The following STK3 variants were observed in gnomAD, a reference collection of about 807,000 sequenced individuals.
STK3 encodes serine/threonine-protein kinase 3.
A neutral mutation model predicts 58.0 loss-of-function variants in STK3; 41 were observed. The ratio of observed to expected loss-of-function variants is 0.71; its 90% CI spans 0.55 to 0.92. The LOEUF is 0.92. STK3 is among the 40% of genes least tolerant of loss of function. STK3 has a pLI of 0.00. For missense variants in STK3, 479 were observed against 602.7 expected (o/e 0.79, Z 2.15); for synonymous variants, 170 against 191.0 (o/e 0.89, Z 0.91).
At chr8:98,478,088 C>G (rs556984595) in intron 10 of STK3, among the ~76,000 whole-genome samples, 1 of 152,188 alleles carries the variant, frequency 6.6e-6, no homozygotes, top group Admixed American at 6.5e-5. Flanking sequence ...GCAAGTGGCT[C>G]TTGGTCACAT....
intron 3 of STK3, among the ~76,000 whole-genome samples, chr8:98,864,619 G>A (rs1216268700): frequency 1.3e-5 from 2 of 152,104 alleles, no homozygotes; most frequent in Non-Finnish European, 2.9e-5. Flanking sequence ...CCCTGTGTTG[G>A]TGTAGCATAT....
intron 10 of STK3, among the ~76,000 whole-genome samples, chr8:98,463,484 G>A (rs74571041): frequency 6.6e-6 from 1 of 151,966 alleles, no homozygotes; most frequent in African/African-American, 2.4e-5. Flanking sequence ...AAGTTAGGGT[G>A]GAAAATAAGA....
intron 4 of STK3, among the ~76,000 whole-genome samples, chr8:98,731,238 T>G (rs1230280005): frequency 3.3e-5 from 5 of 152,060 alleles, no homozygotes; most frequent in Non-Finnish European, 5.9e-5. Context: ...ACTCCAAGCT[T>G]AGAACCATAG....
intron 9 of STK3, among the ~76,000 whole-genome samples, chr8:98,528,885 G>A (rs1825939763): frequency 6.6e-6 from 1 of 152,164 alleles, no homozygotes; most frequent in Admixed American, 6.5e-5. Flanking sequence ...TCTGAAGACA[G>A]AGGTAATGGC....
intron 3 of STK3, among the ~76,000 whole-genome samples, chr8:98,408,898 C>G (rs1040656730): frequency 1.3e-5 from 2 of 152,188 alleles, no homozygotes; most frequent in African/African-American, 4.8e-5. Flanking sequence ...GATACTCTAT[C>G]CTATTATCCA....
the STK3 span, among the ~76,000 whole-genome samples, chr8:98,361,171 A>G: frequency 6.6e-6 from 1 of 152,206 alleles, no homozygotes; most frequent in Non-Finnish European, 1.5e-5. Flanking sequence ...CCTGACTTTA[A>G]TGAGTGCTCA....
intron 10 of STK3, among the ~76,000 whole-genome samples, chr8:98,514,754 A>G (rs934860821): frequency 6.6e-6 from 1 of 152,040 alleles, no homozygotes; most frequent in Non-Finnish European, 1.5e-5. Flanking sequence ...TTGATCTCAT[A>G]TACTTTTTTC....
chr8:98,926,557 G>T (rs868757441), intron 1 of STK3, among the ~76,000 whole-genome samples: 1 of 150,766 alleles, frequency 6.6e-6, no homozygotes, highest in Middle Eastern at 3.4e-3. Flanking sequence ...ACACACACAT[G>T]CACACACACA....
intron 6 of STK3, among the ~76,000 whole-genome samples, chr8:98,611,875 C>A (rs1284988894): frequency 6.6e-6 from 1 of 151,974 alleles, no homozygotes; most frequent in Non-Finnish European, 1.5e-5. Context: ...ATCCAAATTC[C>A]CACTACATTT....
intron 6 of STK3, among the ~76,000 whole-genome samples, chr8:98,672,272 G>A (rs938729963): frequency 1.3e-5 from 2 of 151,720 alleles, no homozygotes; most frequent in African/African-American, 4.8e-5. Flanking sequence ...GGGGTTAGGG[G>A]GTTAGGGGGT....
chr8:98,704,795 T>C (rs1195098168), intron 6 of STK3, among the ~76,000 whole-genome samples: 2 of 152,080 alleles, frequency 1.3e-5, no homozygotes, highest in Non-Finnish European at 2.9e-5. Context: ...GTTGGAAAAA[T>C]AAGATTTACA....
chr8:98,849,663 A>G (rs557744040), intron 3 of STK3, among the ~76,000 whole-genome samples: 2 of 152,300 alleles, frequency 1.3e-5, no homozygotes, highest in East Asian at 3.9e-4. Context: ...CTTAATTCTC[A>G]GGTGAGCTTG....
chr8:98,510,466 T>TC (rs1018414715), intron 10 of STK3, among the ~76,000 whole-genome samples: 6 of 151,892 alleles, frequency 4.0e-5, no homozygotes, highest in Middle Eastern at 3.2e-3. Flanking sequence ...AGGGTTTTTT[T>TC]TTAAAACTGT....
chr8:98,820,338 T>G (rs913756912), intron 1 of STK3, among the ~76,000 whole-genome samples: 1 of 152,196 alleles, frequency 6.6e-6, no homozygotes, highest in African/African-American at 2.4e-5. Context: ...TAGCTTATTC[T>G]TTTACTATCC....
chr8:98,465,843 G>A (rs538766959), intron 10 of STK3, among the ~76,000 whole-genome samples: 2 of 152,192 alleles, frequency 1.3e-5, no homozygotes, highest in East Asian at 1.9e-4. Flanking sequence ...TGAAATTTTC[G>A]TTGCATTCCT....
chr8:98,380,779 A>G (rs1817723815), intron 1 of STK3, among the ~76,000 whole-genome samples: 1 of 151,918 alleles, frequency 6.6e-6, no homozygotes, highest in Admixed American at 6.6e-5. Context: ...GGTCCTTTGC[A>G]TTTCTTCATT....
At chr8:98,563,773 C>G (rs1812252442) in intron 8 of STK3, among the ~76,000 whole-genome samples, 1 of 151,788 alleles carries the variant, frequency 6.6e-6, no homozygotes, top group African/African-American at 2.4e-5. Context: ...ACAATTTAAG[C>G]AAAATAAATA....
At chr8:98,790,227 G>A (rs917048141) in intron 1 of STK3, among the ~76,000 whole-genome samples, 4 of 151,992 alleles carry the variant, frequency 2.6e-5, no homozygotes, top group Non-Finnish European at 4.4e-5. Flanking sequence ...AACCAAAAAA[G>A]AAAACTACAG....
intron 1 of STK3, among the ~76,000 whole-genome samples, chr8:98,382,240 C>T (rs1817742160): frequency 6.6e-6 from 1 of 152,208 alleles, no homozygotes; most frequent in Non-Finnish European, 1.5e-5. Context: ...TATGCTTCTC[C>T]CTGCCTGAGA....
Sources: allele counts gnomAD v4.1 joint callset (sites outside exome capture counted in the v4.1 genomes callset), GRCh38; gene constraint gnomAD v4.1.1; transcripts MANE v1.5; gene names NCBI Gene and HGNC (gene_info 2026-07-23, HGNC 2026-07-21).